CSK: variants seen among roughly 807,000 people sequenced by gnomAD.
CSK encodes C-terminal Src kinase, also known as tyrosine-protein kinase CSK.
Under a neutral mutation model 62.3 loss-of-function variants are expected in CSK, and 7 were observed. The ratio of observed to expected loss-of-function variants is 0.11; its 90% confidence interval spans 0.06 to 0.21. The LOEUF (loss-of-function observed/expected upper bound fraction) is 0.21, where lower values mean the gene tolerates loss of function less well. Ranked by LOEUF, CSK falls within the 10% of genes least tolerant of loss-of-function variation. CSK has a pLI of 1.00. For synonymous variants in CSK, 237 were observed against 246.0 expected (o/e 0.96, Z 0.34); for missense variants, 294 against 613.5 (o/e 0.48, Z 5.50).
chr15:74,800,646 G>A, intron 6 of CSK, 35 bp from the exon 7 acceptor site: 1 of 1,538,468 alleles, frequency 6.5e-7, no homozygotes, highest in Non-Finnish European at 8.8e-7. Flanking sequence ...CATGTCCCTA[G>A]TGGCCTCCAG....
chr15:74,793,970 G>A (rs897482191), intron 1 of CSK, among the ~76,000 whole-genome samples: 2 of 152,122 alleles, frequency 1.3e-5, no homozygotes, highest in African/African-American at 2.4e-5. Context: ...CCTAATTCAA[G>A]CTCTGTCACC....
chr15:74,800,675 C>T lies in CSK; in HGVS notation c.557-6C>T. ...CCTCCAGGCCCTCACTGGCCCCTCC[C>T]CACAGGCGGCTGGGCCCTGAACATG... On this transcript the variant is annotated splice_polypyrimidine_tract_variant and splice_region_variant and intron_variant, in intron 6 of 12. Transcript: ENST00000220003. The T allele has an allele frequency of 6.5e-7, 1 of 1,545,526 alleles. No homozygotes were observed. Among genetic ancestry groups the T allele is most frequent in the South Asian group, 1.2e-5 (1 of 83,470 alleles).
At position 74,799,318 on chromosome 15, in the gene CSK, T is replaced by C. The variant is rs767255442; in HGVS notation, c.289T>C (p.Tyr97His). 27 of 1,611,882 alleles carry C rather than the reference T, an allele frequency of 1.7e-5. No individual in the cohort carries two copies. In the Admixed American group the frequency reaches 4.3e-4, roughly 26 times the overall value. Residue 97 changes from tyrosine to histidine, a missense_variant, in exon 5 of 13, where the codon TAC (tyrosine) becomes CAC (histidine). Tyr to His is a moderately conservative substitution (Grantham distance 83). Around this residue, in one of 3 missense-constraint regions of CSK, gnomAD observed 202 missense variants for 415.7 expected, o/e 0.49. Transcript: ENST00000220003. ...ACGGGAGCAGGCTGAGCGGCTTCTG[T>C]ACCCGCCGGAGACAGGCCTGTTCCT... Reference protein sequence around the residue: ...ITREQAERLLYPPETGLFLVR... With the variant: ...ITREQAERLLHPPETGLFLVR...
chr15:74,800,355 G>GGTGCA (rs1440943747), intron 5 of CSK, 57 bp from the exon 6 acceptor site: 2 of 1,505,680 alleles, frequency 1.3e-6, no homozygotes, highest in Non-Finnish European at 1.8e-6. Flanking sequence ...AGGCCTGGAC[G>GGTGCA]GTGCATATGG....
intron 1 of CSK, among the ~76,000 whole-genome samples, chr15:74,787,007 T>C (rs536672379): frequency 2.0e-5 from 3 of 152,160 alleles, no homozygotes; most frequent in African/African-American, 7.2e-5. Context: ...CAGGGTGGGG[T>C]CCGCCCCAAG....
chr15:74,796,188 G>A (rs910999911), intron 1 of CSK, among the ~76,000 whole-genome samples: 35 of 151,914 alleles, frequency 2.3e-4, no homozygotes, highest in African/African-American at 7.3e-4. Context: ...CCCCACCACT[G>A]CGTTCCAGCC....
Position 74,802,671 on chromosome 15 carries a change from T to C in CSK, c.*158T>C. On this transcript the variant is annotated 3_prime_UTR_variant, in exon 13 of 13. Coordinates refer to ENST00000220003, the MANE Select transcript of CSK (RefSeq NM_004383.3). The stretch of plus-strand genomic sequence containing the variant: ...GCCTGCACCCCTCCGGCCCCGTCTC[T>C]CTTGGACCCACCTGTGGGGCCTGGG... The C allele has an allele frequency of 3.4e-6, 3 of 894,134 alleles. No individual in the cohort carries two copies. Among genetic ancestry groups the C allele is most frequent in the Non-Finnish European group, 4.8e-6 (3 of 621,518 alleles). The allele number at this position is 894,134 out of a possible 1,614,324, so 55.4% of individuals were successfully genotyped here. A position where few individuals can be genotyped will look rare whatever the true frequency, so the allele number is the denominator to read the frequency against.
intron 1 of CSK, among the ~76,000 whole-genome samples, chr15:74,790,242 C>T (rs1176651396): frequency 3.9e-5 from 6 of 152,196 alleles, no homozygotes; most frequent in African/African-American, 1.4e-4. Context: ...TTTAGCTGGG[C>T]GTAAACAGTT....
chr15:74,802,255 T>C, intron 12 of CSK, 76 bp from the exon 13 acceptor site: 1 of 1,469,652 alleles, frequency 6.8e-7, no homozygotes. Context: ...CTGATGGGCA[T>C]CCCTGAGAGG....
chr15:74,798,920 C>T lies in CSK; in HGVS notation c.224C>T (p.Thr75Ile). The T allele has an allele frequency of 6.5e-7, 1 of 1,530,480 alleles. No individual in the cohort carries two copies. Among genetic ancestry groups the T allele is most frequent in the Non-Finnish European group, 8.8e-7 (1 of 1,139,782 alleles). The allele number at this position is 1,530,480 out of a possible 1,614,324, so 94.8% of individuals were successfully genotyped here. Residue 75 changes from threonine (T) to isoleucine (I), a missense_variant, in exon 4 of 13, where the codon ACC (threonine) becomes ATC (isoleucine). Physicochemically the swap from Thr to Ile is moderately conservative, Grantham distance 89. Transcript: ENST00000220003. This position sits in a 1 kb window ranked among gnomAD's most constrained non-coding sequence, Gnocchi z 6.6. ...AAGCGGGAGGGCGTGAAGGCGGGTA[C>T]CAAACTCAGCCTCATGCCGTGAGTA... ...VQKREGVKAGTKLSLMPWFHG... is the reference protein window; with the variant it reads ...VQKREGVKAGIKLSLMPWFHG...
intron 8 of CSK, 23 bp downstream of exon 8, chr15:74,800,945 G>T (rs1489967782): frequency 3.7e-6 from 6 of 1,612,756 alleles, no homozygotes; most frequent in Admixed American, 1.7e-5. Flanking sequence ...GGGGTAGGGG[G>T]GAGGTTGGCC....
Position 74,800,523 on chromosome 15 carries a change from C to G in CSK, c.556+18C>G. The G allele has an allele frequency of 6.2e-7, 1 of 1,609,238 alleles. No individual in the cohort carries two copies. Among genetic ancestry groups the G allele is most frequent in the South Asian group, 1.1e-5 (1 of 90,226 alleles). ...CTACCGCAGTGAGTGCACCCCACCC[C>G]AGACCTCTTGCCCACCCACCTCCTC... is the stretch of plus-strand genomic sequence containing the variant. On this transcript the variant is annotated intron_variant, in intron 6 of 12. Transcript: ENST00000220003.
In CSK at chr15:74,802,820, AT is replaced by A. The variant is rs1202482780; in HGVS notation, c.*315del. 1.6e-5 allele frequency: 5 copies of A among 309,308 alleles called. No homozygotes were observed. Among genetic ancestry groups the A allele is most frequent in the Non-Finnish European group, 2.4e-5 (4 of 169,750 alleles). The allele number at this position is 309,308 out of a possible 1,614,324, so 19.2% of individuals were successfully genotyped here. On this transcript the variant is annotated 3_prime_UTR_variant, in exon 13 of 13. Coordinates refer to ENST00000220003, the MANE Select transcript of CSK (RefSeq NM_004383.3). ...AGTTTTATTCCTTTCCTTTTTTGAG[AT>A]TTTTTTTCCGTGTGTTTATTTTTTA...
chr15:74,801,192 G>C lies in CSK; in HGVS notation c.813+90G>C, dbSNP rs35058771. The C allele has an allele frequency of 4.2e-6, 6 of 1,433,906 alleles. No individual in the cohort carries two copies. The Admixed American group carries it at 6.9e-5, about 17-fold the overall frequency. The allele number at this position is 1,433,906 out of a possible 1,614,324, so 88.8% of individuals were successfully genotyped here. On this transcript the variant is annotated intron_variant, in intron 9 of 12. Coordinates refer to ENST00000220003, the MANE Select transcript of CSK (RefSeq NM_004383.3). ...AGGGCCCCTGCTCCCTCAGTCCCCC[G>C]ACCCCAAGTGAGCTTTTAGGTCACC... is the stretch of plus-strand genomic sequence containing the variant.
chr15:74,802,672 C>T lies in CSK; in HGVS notation c.*159C>T. 2 of 888,922 alleles carry T rather than the reference C, an allele frequency of 2.2e-6. No homozygotes were observed. The highest frequency in any genetic ancestry group is 3.0e-5 in the East Asian group (1 of 33,030). 55.1% of individuals were successfully genotyped at this position (888,922 alleles called of 1,614,324 possible). A position where few individuals can be genotyped will look rare whatever the true frequency, so the allele number is the denominator to read the frequency against. ...CCTGCACCCCTCCGGCCCCGTCTCT[C>T]TTGGACCCACCTGTGGGGCCTGGGG... On this transcript the variant is annotated 3_prime_UTR_variant, in exon 13 of 13. Transcript: ENST00000220003.
chr15:74,793,504 C>T (rs2063657280), intron 1 of CSK, among the ~76,000 whole-genome samples: 1 of 152,202 alleles, frequency 6.6e-6, no homozygotes, highest in African/African-American at 2.4e-5. Flanking sequence ...CTCAGCAGCT[C>T]AGGAGTTTGA....
rs2063447613 is a variant in CSK, at chr15:74,782,354, C to G, written c.-432C>G. ...CCGCGGGGCGTGGAGCGCGAGGAGC[C>G]CCGCGGCCCCGATCGAGCGTCCGGG... On this transcript the variant is annotated 5_prime_UTR_variant, in exon 1 of 13. Coordinates refer to ENST00000220003, the MANE Select transcript of CSK (RefSeq NM_004383.3). The surrounding 1 kb of genome is among the most constrained non-coding windows in gnomAD (Gnocchi z 5.7). The G allele has an allele frequency of 6.6e-6, 1 of 150,604 alleles. No individual in the cohort carries two copies. The highest frequency in any genetic ancestry group is 2.4e-5 in the African/African-American group (1 of 41,230). 9.3% of individuals were successfully genotyped at this position (150,604 alleles called of 1,614,324 possible). A position where few individuals can be genotyped will look rare whatever the true frequency, so the allele number is the denominator to read the frequency against.
At position 74,798,635 on chromosome 15, in the gene CSK, A is replaced by T; in HGVS notation, c.36A>T (p.Thr12=). 2 of 1,613,624 alleles carry T rather than the reference A, an allele frequency of 1.2e-6. No homozygotes were observed. Among genetic ancestry groups the T allele is most frequent in the Non-Finnish European group, 1.7e-6 (2 of 1,180,030 alleles). Residue 12 remains threonine (T), a synonymous_variant, in exon 3 of 13, where the codon ACA becomes ACT. Transcript: ENST00000220003. This position sits in a 1 kb window ranked among gnomAD's most constrained non-coding sequence, Gnocchi z 6.6. ...SAIQAAWPSG[T]ECIAKYNFHG... ...TGCAGGCCGCCTGGCCATCCGGTACAGAATGTATTGCCAAGTACAACTTCC... is the reference window on the plus strand; with the variant it reads ...TGCAGGCCGCCTGGCCATCCGGTACTGAATGTATTGCCAAGTACAACTTCC...
In CSK at chr15:74,802,606, T is replaced by C; in HGVS notation, c.*93T>C. On this transcript the variant is annotated 3_prime_UTR_variant, in exon 13 of 13. Coordinates refer to ENST00000220003, the MANE Select transcript of CSK (RefSeq NM_004383.3). ...CTGCTCACTGGGCCCGAGCCTGAACTGAGCCCCAGCGGGCTGGCGGGCCTT... is the reference window on the plus strand; with the variant it reads ...CTGCTCACTGGGCCCGAGCCTGAACCGAGCCCCAGCGGGCTGGCGGGCCTT... 1 of 1,502,992 alleles carries C rather than the reference T, an allele frequency of 6.7e-7. No individual in the cohort carries two copies. Among genetic ancestry groups the C allele is most frequent in the Non-Finnish European group, 9.0e-7 (1 of 1,115,710 alleles). 93.1% of individuals were successfully genotyped at this position (1,502,992 alleles called of 1,614,324 possible).
Sources: gnomAD v4.1 joint callset for allele counts (sites outside exome capture counted in the v4.1 genomes callset) on GRCh38, gnomAD v4.1.1 for gene constraint, gnomAD v4.1.1 regional missense constraint, Gnocchi (gnomAD v3.1) non-coding constraint, MANE v1.5 for transcripts, NCBI Gene and HGNC (gene_info 2026-07-23, HGNC 2026-07-21) for gene names.